TBC1D22A: variants seen among roughly 807,000 people sequenced by gnomAD.
TBC1D22A encodes TBC1 domain family member 22A.
TBC1D22A carries 38 observed loss-of-function variants against 60.2 expected under a neutral mutation model. The ratio of observed to expected loss-of-function variants is 0.63; its 90% CI spans 0.49 to 0.83. The LOEUF is 0.83. TBC1D22A is among the 40% of genes least tolerant of loss of function. TBC1D22A has a pLI of 0.00. For synonymous variants in TBC1D22A, 302 were observed against 281.7 expected, an observed-to-expected ratio of 1.07 and a Z score of -0.72; for missense variants, 628 against 701.0, an observed-to-expected ratio of 0.90 and a Z score of 1.18.
chr22:46,964,702 T>C (rs1021439350), intron 8 of TBC1D22A, among the ~76,000 whole-genome samples: 1 of 152,200 alleles, frequency 6.6e-6, no homozygotes, highest in African/African-American at 2.4e-5. Context: ...TTTACCTGAT[T>C]TGTGTGGTCC....
At chr22:46,937,675 G>T (rs894286049) in intron 8 of TBC1D22A, among the ~76,000 whole-genome samples, 4 of 152,170 alleles carry the variant, frequency 2.6e-5, no homozygotes, top group African/African-American at 9.7e-5. Flanking sequence ...GTTATCAGAG[G>T]AGACGATAGC....
At chr22:47,142,775 C>T (rs2067154822) in intron 12 of TBC1D22A, among the ~76,000 whole-genome samples, 1 of 89,460 alleles carries the variant, frequency 1.1e-5, no homozygotes, top group Non-Finnish European at 2.3e-5. Context: ...CCACCCACCC[C>T]CCATTCATCC....
chr22:46,824,802 G>A (rs2085978528), intron 4 of TBC1D22A, among the ~76,000 whole-genome samples: 2 of 152,110 alleles, frequency 1.3e-5, no homozygotes, highest in Non-Finnish European at 1.5e-5. Context: ...GCCATCAGGA[G>A]TGGCTGTTGA....
Position 46,797,561 on chromosome 22 carries a change from G to T in TBC1D22A, c.578G>T (p.Arg193Ile). ...CTCAGCAGCTCAGCGCTGAGCGAAA[G>T]AGAGGCCTCCCGGCTCGACAAGTTC... is the stretch of plus-strand genomic sequence containing the variant. ...STLSSSALSEREASRLDKFKQ... is the reference protein window; with the variant it reads ...STLSSSALSEIEASRLDKFKQ... The change falls in exon 4 of 13, where the codon AGA (arginine) becomes ATA (isoleucine). Residue 193 changes from arginine (R) to isoleucine (I), a missense_variant. Transcript: ENST00000337137. 6.2e-7 allele frequency: 1 copy of T among 1,613,772 alleles called. No homozygotes were observed. The highest frequency in any genetic ancestry group is 8.5e-7 in the Non-Finnish European group (1 of 1,179,802).
At chr22:46,766,066 C>T (rs1452108561) in intron 1 of TBC1D22A, among the ~76,000 whole-genome samples, 6 of 150,372 alleles carry the variant, frequency 4.0e-5, no homozygotes, top group East Asian at 2.0e-4. Context: ...GGTGCGATCT[C>T]GGCTCACTGC....
intron 12 of TBC1D22A, among the ~76,000 whole-genome samples, chr22:47,129,041 C>T (rs979624879): frequency 7.2e-5 from 11 of 152,172 alleles, no homozygotes; most frequent in Admixed American, 6.5e-4. Context: ...CGTTTTTTGC[C>T]GTTTATCATG....
chr22:47,008,518 T>A (rs2061656016), intron 10 of TBC1D22A, among the ~76,000 whole-genome samples: 1 of 152,218 alleles, frequency 6.6e-6, no homozygotes, highest in South Asian at 2.1e-4. Flanking sequence ...AGGACCAGTC[T>A]TTGTGGAGGC....
chr22:47,100,455 G>A (rs2065369517), intron 11 of TBC1D22A, among the ~76,000 whole-genome samples: 1 of 152,134 alleles, frequency 6.6e-6, no homozygotes, highest in African/African-American at 2.4e-5. Context: ...AGGCCTCGGG[G>A]GACGGGTGAT....
chr22:46,852,242 C>G (rs896910646), intron 4 of TBC1D22A, among the ~76,000 whole-genome samples: 5 of 152,206 alleles, frequency 3.3e-5, no homozygotes, highest in African/African-American at 1.2e-4. Flanking sequence ...AGAAAGGGTG[C>G]CTTGAAGCTC....
Position 47,175,106 on chromosome 22 carries a change from G to C in TBC1D22A, c.*1480G>C, listed in dbSNP as rs1038865807. The C allele has an allele frequency of 2.0e-5, 3 of 152,262 alleles. No homozygotes were observed. The highest frequency in any genetic ancestry group is 4.4e-5 in the Non-Finnish European group (3 of 68,064). 9.4% of individuals were successfully genotyped at this position (152,262 alleles called of 1,614,324 possible). A position where few individuals can be genotyped will look rare whatever the true frequency, so the allele number is the denominator to read the frequency against. The stretch of plus-strand genomic sequence containing the variant: ...CTGCCAGAGACTGTGGGACATACAG[G>C]CATAAGTGATGTGTGTGTTTCTGCT... On this transcript the variant is annotated 3_prime_UTR_variant, in exon 13 of 13. Coordinates refer to ENST00000337137, the MANE Select transcript of TBC1D22A (RefSeq NM_014346.5).
chr22:46,801,535 A>G (rs1403275306), intron 4 of TBC1D22A, among the ~76,000 whole-genome samples: 1 of 152,260 alleles, frequency 6.6e-6, no homozygotes, highest in African/African-American at 2.4e-5. Context: ...ATATTTACTC[A>G]CACAAAGACT....
At chr22:47,046,542 G>A (rs573186906) in intron 11 of TBC1D22A, among the ~76,000 whole-genome samples, 6 of 152,306 alleles carry the variant, frequency 3.9e-5, no homozygotes, top group South Asian at 4.1e-4. Flanking sequence ...GTGTGGCCAC[G>A]GGAGAGAAGC....
At chr22:47,155,606 T>C (rs770185270) in intron 12 of TBC1D22A, among the ~76,000 whole-genome samples, 1 of 151,742 alleles carries the variant, frequency 6.6e-6, no homozygotes, top group East Asian at 1.9e-4. Context: ...CTCAAAGGCA[T>C]GAGGGCCGGC....
intron 11 of TBC1D22A, among the ~76,000 whole-genome samples, chr22:47,089,648 C>G (rs1458045586): frequency 6.6e-6 from 1 of 152,130 alleles, no homozygotes; most frequent in Non-Finnish European, 1.5e-5. Context: ...GACAAGGGGA[C>G]AGTTTGACTG....
chr22:46,974,528 A>C (rs750313716), intron 9 of TBC1D22A, 129 bp downstream of exon 9: 11 of 749,714 alleles, frequency 1.5e-5, no homozygotes, highest in Non-Finnish European at 2.5e-5. Context: ...ACTTTTCTAC[A>C]TCTGGAATAG....
intron 7 of TBC1D22A, among the ~76,000 whole-genome samples, chr22:46,897,646 TTTTG>T (rs797015530): frequency 1.8e-4 from 20 of 110,256 alleles, no homozygotes; most frequent in African/African-American, 7.0e-4. Flanking sequence ...TTTTGTTTTT[TTTTG>T]TGTTTTTTTT....
chr22:47,081,251 A>G (rs1358792031), intron 11 of TBC1D22A, among the ~76,000 whole-genome samples: 1 of 152,204 alleles, frequency 6.6e-6, no homozygotes, highest in Non-Finnish European at 1.5e-5. Flanking sequence ...GGAAAACCAT[A>G]TGACCATGTC....
chr22:46,842,619 G>T (rs2086818951), intron 4 of TBC1D22A, among the ~76,000 whole-genome samples: 1 of 152,378 alleles, frequency 6.6e-6, no homozygotes, highest in Non-Finnish European at 1.5e-5. Flanking sequence ...CAAACCTGCA[G>T]CACAAAAATC....
intron 10 of TBC1D22A, among the ~76,000 whole-genome samples, chr22:47,007,080 G>A (rs1299150050): frequency 1.3e-5 from 2 of 152,128 alleles, no homozygotes; most frequent in East Asian, 3.9e-4. Context: ...TCTGCAGGTG[G>A]CCCCTTCTTC....
Sources: gnomAD v4.1 joint callset for allele counts (sites outside exome capture counted in the v4.1 genomes callset) on GRCh38, gnomAD v4.1.1 for gene constraint, MANE v1.5 for transcripts, NCBI Gene and HGNC (gene_info 2026-07-23, HGNC 2026-07-21) for gene names.